SBK1: variants seen among roughly 807,000 people sequenced by gnomAD.
SBK1 encodes SH3 domain binding kinase 1, also known as serine/threonine-protein kinase SBK1.
Under a neutral mutation model 24.4 loss-of-function variants are expected in SBK1, and 11 were observed. The ratio of observed to expected loss-of-function variants is 0.45; its 90% CI spans 0.28 to 0.75. The LOEUF (loss-of-function observed/expected upper bound fraction) is 0.75, where lower values mean the gene tolerates loss of function less well. Ranked by LOEUF, SBK1 falls within the 30% of genes least tolerant of loss-of-function variation. The pLI is 0.12. For synonymous variants in SBK1, 308 were observed against 284.4 expected (o/e 1.08, Z -0.83); for missense variants, 467 against 620.5 (o/e 0.75, Z 2.63).
chr16:28,276,215 C>T (rs2044493117), intron 1 of SBK1, among the ~76,000 whole-genome samples: 1 of 152,176 alleles, frequency 6.6e-6, no homozygotes, highest in Admixed American at 6.5e-5. Context: ...ACAGAGTGGG[C>T]TCCACGGACA....
rs2044809656 is a variant in SBK1 at position 28,317,916 on chromosome 16, GGGA to G, written c.226+302_226+304del. On this transcript the variant is annotated intron_variant, in intron 2 of 3. Coordinates refer to ENST00000341901, the MANE Select transcript of SBK1 (RefSeq NM_001024401.3). This position sits in a 1 kb window ranked among gnomAD's most constrained non-coding sequence, Gnocchi z 4.2. Reference sequence around the variant, plus strand: ...CAAGGGGCTGTGCCAGGAGTGTCTGGGGAGGGCAGGGCTGCCGGCTGTGTCTGA... The same window carrying G: ...CAAGGGGCTGTGCCAGGAGTGTCTGGGGGCAGGGCTGCCGGCTGTGTCTGA... Among the ~76,000 whole-genome samples the G allele has an allele frequency of 6.6e-6, 1 of 152,078 alleles. No homozygotes were observed. Among genetic ancestry groups the G allele is most frequent in the Admixed American group, 6.5e-5 (1 of 15,270 alleles).
At chr16:28,269,286 C>T (rs1358266980) in intron 1 of SBK1, among the ~76,000 whole-genome samples, 2 of 151,922 alleles carry the variant, frequency 1.3e-5, no homozygotes, top group African/African-American at 4.8e-5. Context: ...TCACCAGCCT[C>T]GGCCTCCCAA....
At chr16:28,300,185 G>A (rs1189620292) in intron 1 of SBK1, among the ~76,000 whole-genome samples, 2 of 152,242 alleles carry the variant, frequency 1.3e-5, no homozygotes, top group Non-Finnish European at 2.9e-5. Flanking sequence ...CCCAAAAATA[G>A]TACCAAGTAC....
chr16:28,283,631 C>T (rs779479541), intron 1 of SBK1, among the ~76,000 whole-genome samples: 2 of 152,138 alleles, frequency 1.3e-5, no homozygotes, highest in Non-Finnish European at 2.9e-5. Flanking sequence ...CCCCTACAGT[C>T]GAACAAGTGA....
intron 1 of SBK1, among the ~76,000 whole-genome samples, chr16:28,302,984 AG>A (rs1167891862): frequency 2.2e-4 from 33 of 151,626 alleles, no homozygotes; most frequent in African/African-American, 7.5e-4. Flanking sequence ...GGAGTGCAGT[AG>A]GGCAATCCTG....
At chr16:28,270,216 C>T (rs2044456260) in intron 1 of SBK1, among the ~76,000 whole-genome samples, 1 of 151,750 alleles carries the variant, frequency 6.6e-6, no homozygotes, top group Admixed American at 6.6e-5. Context: ...CGCACACCCC[C>T]ACAGCCAGAT....
chr16:28,294,627 T>C (rs1226517816), intron 1 of SBK1, among the ~76,000 whole-genome samples: 1 of 152,202 alleles, frequency 6.6e-6, no homozygotes, highest in African/African-American at 2.4e-5. Context: ...AGCTGAGAGA[T>C]TCTTGACCCT....
intron 1 of SBK1, among the ~76,000 whole-genome samples, chr16:28,283,057 C>T (rs1409288335): frequency 6.6e-6 from 1 of 152,076 alleles, no homozygotes; most frequent in South Asian, 2.1e-4. Flanking sequence ...CTCAGCCTCC[C>T]GAGTAGCTGA....
chr16:28,293,687 C>T (rs1471398902), intron 1 of SBK1, among the ~76,000 whole-genome samples: 1 of 152,074 alleles, frequency 6.6e-6, no homozygotes, highest in African/African-American at 2.4e-5. Context: ...AGTGAAGTCC[C>T]CCCGAGAGGG....
At chr16:28,269,323 C>T (rs1334066149) in intron 1 of SBK1, among the ~76,000 whole-genome samples, 1 of 151,836 alleles carries the variant, frequency 6.6e-6, no homozygotes, top group Admixed American at 6.6e-5. Context: ...GTGTGAGCCA[C>T]CATGCCTGGC....
At chr16:28,261,588 C>A (rs1427818435) in intron 1 of SBK1, among the ~76,000 whole-genome samples, 1 of 152,156 alleles carries the variant, frequency 6.6e-6, no homozygotes, top group Non-Finnish European at 1.5e-5. Flanking sequence ...TATGATCACG[C>A]CCCTGCACTC....
At chr16:28,260,959 C>T (rs965782074) in intron 1 of SBK1, among the ~76,000 whole-genome samples, 1 of 152,014 alleles carries the variant, frequency 6.6e-6, no homozygotes, top group African/African-American at 2.4e-5. Flanking sequence ...GAAAGGGCAT[C>T]GCAGGCAGTG....
At chr16:28,297,393 G>A (rs570324976) in intron 1 of SBK1, among the ~76,000 whole-genome samples, 2 of 152,322 alleles carry the variant, frequency 1.3e-5, no homozygotes, top group East Asian at 1.9e-4. Context: ...GCATTGTGGA[G>A]TAGCTGGGCC....
At position 28,317,286 on chromosome 16, in the gene SBK1, C is replaced by T; in HGVS notation, c.-7-99C>T. On this transcript the variant is annotated intron_variant, in intron 1 of 3. Transcript: ENST00000341901. This position sits in a 1 kb window ranked among gnomAD's most constrained non-coding sequence, Gnocchi z 4.2. Reference sequence around the variant, plus strand: ...GTTATCTTGGGCCTGGCATCCGGGCCCATCCTCAAGTTTTCTGGGTTCTGG... The same window carrying T: ...GTTATCTTGGGCCTGGCATCCGGGCTCATCCTCAAGTTTTCTGGGTTCTGG... The T allele has an allele frequency of 1.2e-6, 1 of 859,020 alleles. No homozygotes were observed. The highest frequency in any genetic ancestry group is 1.6e-5 in the South Asian group (1 of 63,376). 53.2% of individuals were successfully genotyped at this position (859,020 alleles called of 1,614,324 possible).
In SBK1 at chr16:28,315,318, T is replaced by C. The variant is rs564100752; in HGVS notation, c.-7-2067T>C. Among the ~76,000 whole-genome samples the C allele has an allele frequency of 2.0e-4, 30 of 152,322 alleles. No homozygotes were observed. In the South Asian group the frequency reaches 5.6e-3, roughly 28 times the overall value. On this transcript the variant is annotated intron_variant, in intron 1 of 3. Transcript: ENST00000341901. Reference sequence around the variant, plus strand: ...TCTCGACGGCAGGGATGTATACATATGTCAGAATCATCACACTGTACACTT... The same window carrying C: ...TCTCGACGGCAGGGATGTATACATACGTCAGAATCATCACACTGTACACTT...
chr16:28,268,858 T>C (rs963834073), intron 1 of SBK1, among the ~76,000 whole-genome samples: 10 of 152,086 alleles, frequency 6.6e-5, no homozygotes, highest in African/African-American at 9.7e-5. Context: ...AGAGCAAACA[T>C]TGTCCAGGAG....
At chr16:28,293,363 G>C in intron 1 of SBK1, 63 bp downstream of exon 1, 1 of 819,394 alleles carries the variant, frequency 1.2e-6, no homozygotes, top group South Asian at 5.5e-5. Flanking sequence ...TAGCCCTGCA[G>C]GTGGGGAAGG....
intron 1 of SBK1, among the ~76,000 whole-genome samples, chr16:28,269,255 G>A (rs958761960): frequency 1.6e-4 from 24 of 151,844 alleles, no homozygotes; most frequent in Non-Finnish European, 3.4e-4. Flanking sequence ...GGCTGGTCTC[G>A]AATTCCCGAC....
In SBK1 at chr16:28,319,946, C is replaced by T. The variant is rs1038236007; in HGVS notation, c.430-130C>T. 62 of 854,964 alleles carry T rather than the reference C, an allele frequency of 7.3e-5. No individual in the cohort carries two copies. Among genetic ancestry groups the T allele is most frequent in the Non-Finnish European group, 1.0e-4 (60 of 586,886 alleles). The allele number at this position is 854,964 out of a possible 1,614,324, so 53.0% of individuals were successfully genotyped here. ...CAGCAGCATCCGGGCCGCGTCTGCG[C>T]GGTCGCCCCAGTTACTGGGGACAGG... On this transcript the variant is annotated intron_variant, in intron 3 of 3. Coordinates refer to ENST00000341901, the MANE Select transcript of SBK1 (RefSeq NM_001024401.3). The surrounding 1 kb of genome is among the most constrained non-coding windows in gnomAD (Gnocchi z 4.0).
Sources: allele counts gnomAD v4.1 joint callset (sites outside exome capture counted in the v4.1 genomes callset), GRCh38; gene constraint gnomAD v4.1.1; non-coding constraint Gnocchi (gnomAD v3.1); transcripts MANE v1.5; gene names NCBI Gene and HGNC (gene_info 2026-07-23, HGNC 2026-07-21).